Variants in COL6A6 observed in about 807,000 individuals in gnomAD.
COL6A6 encodes collagen type VI alpha 6 chain, also known as collagen alpha-6(VI) chain.
COL6A6 carries 183 observed loss-of-function variants against 208.6 expected under a neutral mutation model. The ratio of observed to expected loss-of-function variants is 0.88; its 90% CI spans 0.78 to 0.99. The LOEUF is 0.99. Ranked by LOEUF, COL6A6 falls within the 50% of genes least tolerant of loss-of-function variation. The pLI, the probability that COL6A6 is intolerant of heterozygous loss-of-function variation, is 0.00. For synonymous variants in COL6A6, 973 were observed against 1,011.8 expected (o/e 0.96, Z 0.73); for missense variants, 2,816 against 2,815.2 (o/e 1.00, Z -0.01).
intron 20 of COL6A6, among the ~76,000 whole-genome samples, chr3:130,604,474 G>A (rs1368551733): frequency 4.1e-5 from 6 of 144,994 alleles, no homozygotes; most frequent in South Asian, 2.2e-4. Context: ...CAGTCTGGGC[G>A]ACAGAGCGAG....
chr3:130,568,565 G>A lies in COL6A6; in HGVS notation c.2362G>A (p.Glu788Lys). ...VENFDILQRI[E>K]DDLVFGICSP... is the part of the protein sequence containing the mutation. Reference sequence around the variant, plus strand: ...GAATTTTGACATTCTGCAGCGCATTGAAGATGATCTTGTTTTTGGAATATG... The same window carrying A: ...GAATTTTGACATTCTGCAGCGCATTAAAGATGATCTTGTTTTTGGAATATG... Residue 788 changes from glutamate to lysine, a missense_variant, in exon 6 of 37, where the codon GAA becomes AAA. Physicochemically the swap from Glu to Lys is moderately conservative, Grantham distance 56. Transcript: ENST00000358511. 6.2e-7 allele frequency: 1 copy of A among 1,606,260 alleles called. No individual in the cohort carries two copies.
chr3:130,654,846 A>G (rs1306906683), intron 33 of COL6A6, among the ~76,000 whole-genome samples: 2 of 152,142 alleles, frequency 1.3e-5, no homozygotes, highest in Non-Finnish European at 2.9e-5. Context: ...CTTTTCAAGG[A>G]TAGTTTGGGG....
intron 19 of COL6A6, among the ~76,000 whole-genome samples, chr3:130,599,023 T>G (rs1400716778): frequency 6.6e-6 from 1 of 152,210 alleles, no homozygotes; most frequent in Non-Finnish European, 1.5e-5. Flanking sequence ...GAAAGAACTG[T>G]GCTTTGGAGA....
chr3:130,598,883 A>G (rs148173906), intron 19 of COL6A6, among the ~76,000 whole-genome samples: 5 of 152,350 alleles, frequency 3.3e-5, no homozygotes, highest in East Asian at 1.9e-4. Flanking sequence ...GCTTAATCTC[A>G]TAAGTCACAA....
chr3:130,537,311 C>T (rs2062248974), intron 1 of COL6A6, among the ~76,000 whole-genome samples: 1 of 152,154 alleles, frequency 6.6e-6, no homozygotes, highest in African/African-American at 2.4e-5. Context: ...GTCTGGTACT[C>T]ATCGGGTTGT....
intron 15 of COL6A6, 115 bp from the exon 16 acceptor site, chr3:130,592,946 C>A: frequency 1.0e-6 from 1 of 984,698 alleles, no homozygotes. Context: ...ATAACCCAGG[C>A]CCAGCCTCAC....
At chr3:130,611,414 C>T (rs1304538154) in intron 23 of COL6A6, among the ~76,000 whole-genome samples, 7 of 152,146 alleles carry the variant, frequency 4.6e-5, no homozygotes, top group Non-Finnish European at 1.0e-4. Flanking sequence ...ATGATCTGGC[C>T]CTCACCTACC....
chr3:130,568,421 G>A lies in COL6A6; in HGVS notation c.2218G>A (p.Glu740Lys). 2 of 1,613,968 alleles carry A rather than the reference G, an allele frequency of 1.2e-6. No homozygotes were observed. Among genetic ancestry groups the A allele is most frequent in the Non-Finnish European group, 1.7e-6 (2 of 1,179,880 alleles). The change falls in exon 6 of 37, where the codon GAA (glutamate) becomes AAA (lysine). Residue 740 changes from glutamate to lysine, a missense_variant. Coordinates refer to ENST00000358511, the MANE Select transcript of COL6A6 (RefSeq NM_001102608.3). ...TDGEAQDIVK[E>K]PAVVLRQEGV... ...TGGTGAAGCTCAGGACATAGTAAAGGAACCAGCAGTAGTGCTTCGGCAAGA... is the reference window on the plus strand; with the variant it reads ...TGGTGAAGCTCAGGACATAGTAAAGAAACCAGCAGTAGTGCTTCGGCAAGA...
intron 26 of COL6A6, among the ~76,000 whole-genome samples, chr3:130,628,531 T>C (rs1041409517): frequency 1.3e-5 from 2 of 152,220 alleles, no homozygotes; most frequent in East Asian, 3.8e-4. Flanking sequence ...TTTATACATG[T>C]TTGAGGATTT....
intron 26 of COL6A6, among the ~76,000 whole-genome samples, chr3:130,628,954 G>A (rs2064977540): frequency 1.2e-5 from 1 of 84,068 alleles, no homozygotes; most frequent in Non-Finnish European, 2.0e-5. Context: ...GGAAAAAACA[G>A]AACAGAAAAA....
At chr3:130,577,419 T>C (rs2063324259) in intron 8 of COL6A6, among the ~76,000 whole-genome samples, 1 of 152,248 alleles carries the variant, frequency 6.6e-6, no homozygotes, top group Non-Finnish European at 1.5e-5. Flanking sequence ...AACTAATATC[T>C]AAGTGTTGTG....
At chr3:130,609,090 ATAAAG>A in intron 22 of COL6A6, 126 bp downstream of exon 22, 1 of 704,388 alleles carries the variant, frequency 1.4e-6, no homozygotes, top group Non-Finnish European at 2.4e-6. Flanking sequence ...TCTCATGGTA[ATAAAG>A]TAAGGAAGCA....
At chr3:130,670,172 G>A (rs2066176405) in intron 36 of COL6A6, among the ~76,000 whole-genome samples, 1 of 152,228 alleles carries the variant, frequency 6.6e-6, no homozygotes, top group Admixed American at 6.5e-5. Context: ...TGTGAATTAA[G>A]TCCAAGGAGA....
intron 3 of COL6A6, among the ~76,000 whole-genome samples, chr3:130,564,300 C>A (rs866872392): frequency 6.6e-6 from 1 of 152,222 alleles, no homozygotes; most frequent in South Asian, 2.1e-4. Flanking sequence ...GGCCAAACTT[C>A]TCTCCTGGTC....
chr3:130,605,683 A>AT (rs1193881479), intron 20 of COL6A6, among the ~76,000 whole-genome samples: 1 of 152,230 alleles, frequency 6.6e-6, no homozygotes, highest in East Asian at 1.9e-4. Context: ...TGTTTCTTTT[A>AT]TAACAATAGT....
At chr3:130,659,446 C>A (rs778267484) in intron 34 of COL6A6, among the ~76,000 whole-genome samples, 6 of 152,186 alleles carry the variant, frequency 3.9e-5, no homozygotes, top group Non-Finnish European at 5.9e-5. Context: ...AGGCCATGCA[C>A]TGTTCTAATT....
rs200728313 is a variant in COL6A6 at position 130,571,257 on chromosome 3, G to A, written c.2841G>A (p.Gly947=). 7 of 1,614,070 alleles carry A rather than the reference G, an allele frequency of 4.3e-6. No homozygotes were observed. The Admixed American group carries it at 1.2e-4, about 27-fold the overall frequency. The stretch of plus-strand genomic sequence containing the variant: ...AAGGCATTCTTGTCCTGGCTGTGGG[G>A]ATTGATGGTGCCAATCCCGTGGAGC... The part of the protein sequence containing the change: ...RDKGILVLAV[G]IDGANPVELL... The change falls in exon 7 of 37, where the codon GGG becomes GGA. Residue 947 remains glycine, a synonymous_variant. Coordinates refer to ENST00000358511, the MANE Select transcript of COL6A6 (RefSeq NM_001102608.3).
chr3:130,533,435 G>C (rs1231757301), intron 1 of COL6A6, among the ~76,000 whole-genome samples: 1 of 151,988 alleles, frequency 6.6e-6, no homozygotes, highest in African/African-American at 2.4e-5. Flanking sequence ...CCTTCTTCTT[G>C]CATGACATCA....
intron 20 of COL6A6, 53 bp from the exon 21 acceptor site, chr3:130,606,878 T>A: frequency 6.9e-7 from 1 of 1,444,374 alleles, no homozygotes; most frequent in African/African-American, 1.4e-5. Flanking sequence ...TTAAATCATA[T>A]ATAAAAAGCA....
Sources: allele counts gnomAD v4.1 joint callset (sites outside exome capture counted in the v4.1 genomes callset), GRCh38; gene constraint gnomAD v4.1.1; transcripts MANE v1.5; gene names NCBI Gene and HGNC (gene_info 2026-07-23, HGNC 2026-07-21).